Variants in BFSP1 observed in about 807,000 individuals in gnomAD.
The protein encoded by BFSP1 is filensin.
A neutral mutation model predicts 43.9 loss-of-function variants in BFSP1; 38 were observed. The observed-to-expected ratio is 0.87, with a 90% CI of 0.67 to 1.14. The LOEUF is 1.14. Among genes scored for constraint, BFSP1 ranks in the 50% most tolerant of loss-of-function variants. BFSP1 has a pLI of 0.00. For synonymous variants in BFSP1, 352 were observed against 354.8 expected, an observed-to-expected ratio of 0.99 and a Z score of 0.09; for missense variants, 850 against 875.1, an observed-to-expected ratio of 0.97 and a Z score of 0.36.
chr20:17,515,107 T>G (rs1187709113), intron 2 of BFSP1, among the ~76,000 whole-genome samples: 4 of 152,168 alleles, frequency 2.6e-5, no homozygotes, highest in Non-Finnish European at 5.9e-5. Flanking sequence ...AGGGTCCTTC[T>G]ATTGGCAACT....
intron 5 of BFSP1, among the ~76,000 whole-genome samples, chr20:17,504,716 T>C (rs1600639822): frequency 6.6e-6 from 1 of 152,172 alleles, no homozygotes; most frequent in East Asian, 1.9e-4. Context: ...TGTGGCAACC[T>C]GAACTTTATC....
intron 1 of BFSP1, among the ~76,000 whole-genome samples, chr20:17,553,792 TATACACACACACAC>T (rs1489904614): frequency 4.4e-5 from 3 of 68,564 alleles, no homozygotes; most frequent in African/African-American, 3.3e-4. Flanking sequence ...TATATATATA[TATACACACACACAC>T]ACACACACAC....
intron 1 of BFSP1, among the ~76,000 whole-genome samples, chr20:17,564,171 TACACAGACACACACACACACACAG>T (rs1019237390): frequency 2.0e-5 from 3 of 151,604 alleles, no homozygotes; most frequent in Admixed American, 6.6e-5. Flanking sequence ...TGTCTTTACA[TACACAGACACACACACACACACAG>T]ACACAGACAC....
At chr20:17,505,752 G>A (rs1568686055) in intron 5 of BFSP1, among the ~76,000 whole-genome samples, 1 of 152,170 alleles carries the variant, frequency 6.6e-6, no homozygotes, top group Non-Finnish European at 1.5e-5. Flanking sequence ...TCTCAGTGTG[G>A]CTCCTGGACC....
rs151226849 is a variant in BFSP1 at position 17,521,477 on chromosome 20, C to A, written c.438+3371G>T. Among the ~76,000 whole-genome samples, 1,185 of 152,334 alleles carry A rather than the reference C, an allele frequency of 7.8e-3. 15 individuals are homozygous for A. Among genetic ancestry groups the A allele is most frequent in the African/African-American group, 0.027 (1,137 of 41,560 alleles). On this transcript the variant is annotated intron_variant, in intron 2 of 7. Coordinates refer to ENST00000377873, the MANE Select transcript of BFSP1 (RefSeq NM_001195.5). The stretch of plus-strand genomic sequence containing the variant: ...CACACCCAGGGATGAATCCCTTCCA[C>A]AAGTCAGACCAAAGGAAATGGCCAC...
chr20:17,521,828 T>C (rs2034325014), intron 2 of BFSP1, among the ~76,000 whole-genome samples: 1 of 152,114 alleles, frequency 6.6e-6, no homozygotes, highest in Non-Finnish European at 1.5e-5. Context: ...CAGGTTGCCA[T>C]TGTAGACAGC....
chr20:17,558,794 C>T (rs2035037352), exon 1 of BFSP1: 1 of 1,503,264 alleles, frequency 6.7e-7, no homozygotes, highest in Non-Finnish European at 8.9e-7. Context: ...ACCCAGGACT[C>T]CAAAACCCTC....
intron 1 of BFSP1, among the ~76,000 whole-genome samples, chr20:17,526,540 G>C (rs543608746): frequency 6.6e-6 from 1 of 152,172 alleles, no homozygotes; most frequent in East Asian, 1.9e-4. Flanking sequence ...TCTATGTATC[G>C]ACCACATTTT....
At chr20:17,547,737 T>TC (rs1294892680) in intron 1 of BFSP1, among the ~76,000 whole-genome samples, 6 of 148,972 alleles carry the variant, frequency 4.0e-5, no homozygotes, top group East Asian at 1.9e-4. Context: ...TTTCTTTCTT[T>TC]TTTTTTTTTT....
rs1305771098 is a variant in BFSP1 at position 17,507,480 on chromosome 20, A to G, written c.735+1409T>C. Reference sequence around the variant, plus strand: ...TGAGTTCATTTTACATCCAAAAATGAGTTGTCACTAGCCATTTGGAAAACA... The same window carrying G: ...TGAGTTCATTTTACATCCAAAAATGGGTTGTCACTAGCCATTTGGAAAACA... On this transcript the variant is annotated intron_variant, in intron 5 of 7. Coordinates refer to ENST00000377873, the MANE Select transcript of BFSP1 (RefSeq NM_001195.5). This position sits in a 1 kb window ranked among gnomAD's most constrained non-coding sequence, Gnocchi z 4.4. Among the ~76,000 whole-genome samples, 1 of 152,060 alleles carries G rather than the reference A, an allele frequency of 6.6e-6. No homozygotes were observed. The highest frequency in any genetic ancestry group is 1.9e-4 in the East Asian group (1 of 5,184).
intron 3 of BFSP1, among the ~76,000 whole-genome samples, chr20:17,513,913 G>A (rs554456487): frequency 2.0e-5 from 3 of 152,334 alleles, no homozygotes; most frequent in South Asian, 4.2e-4. Context: ...CTACAAAGGC[G>A]AGAGGGAGCT....
At chr20:17,537,568 CA>C (rs901895418) in intron 1 of BFSP1, among the ~76,000 whole-genome samples, 1,298 of 63,824 alleles carry the variant, frequency 0.02, 9 homozygotes, top group South Asian at 0.046. Context: ...ACTGAAGCAC[CA>C]AAAAAAAAAA....
At chr20:17,548,803 T>C (rs1159900030) in intron 1 of BFSP1, among the ~76,000 whole-genome samples, 1 of 152,072 alleles carries the variant, frequency 6.6e-6, no homozygotes, top group East Asian at 1.9e-4. Context: ...TAGTTTTGTT[T>C]GTTTGTTTGT....
rs1600651532 is a variant in BFSP1, at chr20:17,514,772, T to G, written c.483A>C (p.Glu161Asp). Residue 161 changes from glutamate (E) to aspartate (D), a missense_variant, in exon 3 of 8, where the codon GAA (glutamate) becomes GAC (aspartate). Glu to Asp is a conservative substitution (Grantham distance 45, BLOSUM62 2). Coordinates refer to ENST00000377873, the MANE Select transcript of BFSP1 (RefSeq NM_001195.5). ...ALLHNLRLQL[E>D]AQFLQDDISA... Reference sequence around the variant, plus strand: ...TGATATCATCTTGCAGAAATTGGGCTTCCAGCTGAAGGCGTAGGTTATGCA... The same window carrying G: ...TGATATCATCTTGCAGAAATTGGGCGTCCAGCTGAAGGCGTAGGTTATGCA... The G allele has an allele frequency of 1.9e-6, 3 of 1,614,106 alleles. No homozygotes were observed. In the East Asian group the frequency reaches 6.7e-5, roughly 36 times the overall value.
At chr20:17,565,647 A>G (rs967110824) in intron 1 of BFSP1, 2 of 152,280 alleles carry the variant, frequency 1.3e-5, no homozygotes, top group African/African-American at 2.4e-5. Context: ...CATATGCCCA[A>G]GGTCTATTTC....
chr20:17,511,490 G>A (rs538137544), intron 4 of BFSP1, among the ~76,000 whole-genome samples: 2 of 152,162 alleles, frequency 1.3e-5, no homozygotes, highest in Non-Finnish European at 2.9e-5. Flanking sequence ...GAAGCTATCC[G>A]GATGGCAGAT....
Position 17,525,047 on chromosome 20 carries a change from AAC to A in BFSP1, c.378-141_378-140del. Reference sequence around the variant, plus strand: ...GGGTCTTAATTTTAAAGTAGTAGCTAACGAATGCTGCATTTCCTAGCTGACTG... The same window carrying A: ...GGGTCTTAATTTTAAAGTAGTAGCTAGAATGCTGCATTTCCTAGCTGACTG... On this transcript the variant is annotated intron_variant, in intron 1 of 7. Coordinates refer to ENST00000377873, the MANE Select transcript of BFSP1 (RefSeq NM_001195.5). This position sits in a 1 kb window ranked among gnomAD's most constrained non-coding sequence, Gnocchi z 4.2. 1 of 744,276 alleles carries A rather than the reference AAC, an allele frequency of 1.3e-6. No homozygotes were observed. Among genetic ancestry groups the A allele is most frequent in the Non-Finnish European group, 2.4e-6 (1 of 424,658 alleles). 46.1% of individuals were successfully genotyped at this position (744,276 alleles called of 1,614,324 possible).
chr20:17,502,024 AC>A (rs1416935349), intron 5 of BFSP1, among the ~76,000 whole-genome samples: 1 of 152,234 alleles, frequency 6.6e-6, no homozygotes, highest in Non-Finnish European at 1.5e-5. Flanking sequence ...AAAGGCAAAG[AC>A]AAACAGAAAT....
At chr20:17,495,580 G>C (rs1432111153) in intron 7 of BFSP1, among the ~76,000 whole-genome samples, 1 of 152,182 alleles carries the variant, frequency 6.6e-6, no homozygotes, top group East Asian at 1.9e-4. Context: ...GCTCAAGCTA[G>C]ATAAATGCCA....
Sources: allele counts gnomAD v4.1 joint callset (sites outside exome capture counted in the v4.1 genomes callset), GRCh38; gene constraint gnomAD v4.1.1; non-coding constraint Gnocchi (gnomAD v3.1); transcripts MANE v1.5; gene names NCBI Gene and HGNC (gene_info 2026-07-23, HGNC 2026-07-21).